The following CRYL1 variants were observed in gnomAD, a reference collection of about 807,000 sequenced individuals.
The protein encoded by CRYL1 is crystallin lambda 1, also known as lambda-crystallin homolog.
A neutral mutation model predicts 36.6 loss-of-function variants in CRYL1; 29 were observed. The ratio of observed to expected loss-of-function variants is 0.79; its 90% CI spans 0.59 to 1.08. The LOEUF (loss-of-function observed/expected upper bound fraction) is 1.08, where lower values mean the gene tolerates loss of function less well. Among genes scored for constraint, CRYL1 ranks in the 50% least tolerant of loss-of-function variants. CRYL1 has a pLI of 0.00. For synonymous variants in CRYL1, 152 were observed against 151.5 expected (o/e 1.00, Z -0.02); for missense variants, 411 against 407.9 (o/e 1.01, Z -0.06).
At chr13:20,418,142 A>G (rs1278343704) in intron 5 of CRYL1, among the ~76,000 whole-genome samples, 1 of 152,188 alleles carries the variant, frequency 6.6e-6, no homozygotes, top group Non-Finnish European at 1.5e-5. Flanking sequence ...TAGCCCACCC[A>G]GACTATGGAG....
intron 3 of CRYL1, among the ~76,000 whole-genome samples, chr13:20,447,720 A>T (rs1323805338): frequency 2.6e-5 from 4 of 152,224 alleles, no homozygotes; most frequent in Admixed American, 2.6e-4. Flanking sequence ...CTTAAATACA[A>T]GGCATTACTA....
chr13:20,460,680 T>C (rs149121227), intron 3 of CRYL1, among the ~76,000 whole-genome samples: 2,647 of 151,638 alleles, frequency 0.017, 41 homozygotes, highest in African/African-American at 0.038. Flanking sequence ...CGCCCGCCAC[T>C]ACGCCCGGCT....
intron 1 of CRYL1, among the ~76,000 whole-genome samples, chr13:20,516,542 G>GTA (rs771534430): frequency 1.8e-4 from 27 of 151,954 alleles, no homozygotes; most frequent in Non-Finnish European, 3.4e-4. Flanking sequence ...TGCTGTGGGG[G>GTA]TATCTCGGCT....
chr13:20,481,983 C>A lies in CRYL1; in HGVS notation c.276+7387G>T, dbSNP rs570715913. 6.6e-5 allele frequency among the ~76,000 whole-genome samples: 10 copies of A among 152,276 alleles called. No individual in the cohort carries two copies. The highest frequency in any genetic ancestry group is 2.4e-4 in the African/African-American group (10 of 41,558). ...GTTTCCTCGCACATTCCCGAATATT[C>A]TCAGGGCTGGCCATCCCATGTGTCC... On this transcript the variant is annotated intron_variant, in intron 3 of 7. Coordinates refer to ENST00000298248, the MANE Select transcript of CRYL1 (RefSeq NM_015974.3). This position sits in a 1 kb window ranked among gnomAD's most constrained non-coding sequence, Gnocchi z 4.1.
intron 6 of CRYL1, among the ~76,000 whole-genome samples, chr13:20,410,236 C>G (rs2031483418): frequency 6.8e-6 from 1 of 147,418 alleles, no homozygotes; most frequent in Non-Finnish European, 1.5e-5. Context: ...TCTGTAAGGA[C>G]ATGGATGAAA....
At chr13:20,507,835 A>G (rs2872445) in intron 2 of CRYL1, among the ~76,000 whole-genome samples, 1,721 of 151,172 alleles carry the variant, frequency 0.011, 28 homozygotes, top group African/African-American at 0.036. Context: ...GGAGAATGGC[A>G]TGAACCTGGG....
At chr13:20,467,034 G>T (rs1271936784) in intron 3 of CRYL1, among the ~76,000 whole-genome samples, 1 of 151,188 alleles carries the variant, frequency 6.6e-6, no homozygotes, top group Admixed American at 6.6e-5. Context: ...TGGAAGCTCT[G>T]CCTCCCGCGT....
chr13:20,424,212 C>T (rs1039101339), intron 5 of CRYL1, among the ~76,000 whole-genome samples: 1 of 152,176 alleles, frequency 6.6e-6, no homozygotes, highest in African/African-American at 2.4e-5. Flanking sequence ...AACAAAAACA[C>T]AGGTCTCAAT....
In CRYL1 at chr13:20,435,881, G is replaced by A. The variant is rs1277945332; in HGVS notation, c.439-3585C>T. On this transcript the variant is annotated intron_variant, in intron 4 of 7. Coordinates refer to ENST00000298248, the MANE Select transcript of CRYL1 (RefSeq NM_015974.3). This position sits in a 1 kb window ranked among gnomAD's most constrained non-coding sequence, Gnocchi z 4.0. ...CGCCCTCGCGGGAGGCAGCCGGGCTGGGGCCTCTTGCCAGCCCTCGGTGTT... is the reference window on the plus strand; with the variant it reads ...CGCCCTCGCGGGAGGCAGCCGGGCTAGGGCCTCTTGCCAGCCCTCGGTGTT... 6.6e-6 allele frequency among the ~76,000 whole-genome samples: 1 copy of A among 152,170 alleles called. No individual in the cohort carries two copies. The highest frequency in any genetic ancestry group is 1.5e-5 in the Non-Finnish European group (1 of 68,014).
chr13:20,434,625 A>G (rs956871506), intron 4 of CRYL1, among the ~76,000 whole-genome samples: 73 of 50,052 alleles, frequency 1.5e-3, no homozygotes, highest in Non-Finnish European at 2.1e-3. Flanking sequence ...CCACACCCCT[A>G]CACCCCCACC....
intron 2 of CRYL1, among the ~76,000 whole-genome samples, chr13:20,502,651 T>C (rs554918967): frequency 9.3e-5 from 14 of 150,136 alleles, no homozygotes; most frequent in Admixed American, 9.2e-4. Flanking sequence ...CGAGACTCCG[T>C]CTCAAAAAAA....
At chr13:20,449,180 T>C (rs964567149) in intron 3 of CRYL1, among the ~76,000 whole-genome samples, 2 of 152,122 alleles carry the variant, frequency 1.3e-5, no homozygotes, top group Non-Finnish European at 2.9e-5. Flanking sequence ...AATGAAATAA[T>C]TGAAGGTAAA....
intron 6 of CRYL1, among the ~76,000 whole-genome samples, chr13:20,408,602 T>C (rs1335161702): frequency 6.6e-6 from 1 of 152,048 alleles, no homozygotes; most frequent in Non-Finnish European, 1.5e-5. Flanking sequence ...ATAGCAAAAA[T>C]CCTAATCTTG....
chr13:20,524,289 G>A (rs2034149576), intron 1 of CRYL1, among the ~76,000 whole-genome samples: 1 of 152,082 alleles, frequency 6.6e-6, no homozygotes, highest in Admixed American at 6.5e-5. Context: ...GTATATATAT[G>A]TGTGAGTGTA....
intron 3 of CRYL1, among the ~76,000 whole-genome samples, chr13:20,483,868 G>A (rs898718720): frequency 6.6e-6 from 1 of 152,134 alleles, no homozygotes; most frequent in Non-Finnish European, 1.5e-5. Flanking sequence ...CCAGGCTGGA[G>A]TGCAGTGGCG....
chr13:20,505,350 C>G (rs1172986741), intron 2 of CRYL1, among the ~76,000 whole-genome samples: 6 of 83,498 alleles, frequency 7.2e-5, no homozygotes, highest in African/African-American at 2.3e-4. Context: ...AAGTGAGACT[C>G]TATCCCACCA....
At chr13:20,454,243 G>T (rs577792182) in intron 3 of CRYL1, among the ~76,000 whole-genome samples, 1 of 152,154 alleles carries the variant, frequency 6.6e-6, no homozygotes, top group African/African-American at 2.4e-5. Flanking sequence ...AACAAAAAAG[G>T]ATAGTGCGTT....
At position 20,483,955 on chromosome 13, in the gene CRYL1, TACAGGTGCCCACC is replaced by T. The variant is rs1268238326; in HGVS notation, c.276+5402_276+5414del. ...CCTCAGCCTCCCGGGTAGCTGGGACTACAGGTGCCCACCACCACACCTGGCTAATTTTTTGTAT... is the reference window on the plus strand; with the variant it reads ...CCTCAGCCTCCCGGGTAGCTGGGACTACCACACCTGGCTAATTTTTTGTAT... On this transcript the variant is annotated intron_variant, in intron 3 of 7. Coordinates refer to ENST00000298248, the MANE Select transcript of CRYL1 (RefSeq NM_015974.3). Among the ~76,000 whole-genome samples the T allele has an allele frequency of 2.0e-5, 3 of 152,166 alleles. No homozygotes were observed. The South Asian group carries it at 6.2e-4, about 31-fold the overall frequency.
chr13:20,421,123 C>G (rs1407893304), intron 5 of CRYL1, among the ~76,000 whole-genome samples: 2 of 152,000 alleles, frequency 1.3e-5, no homozygotes, highest in East Asian at 3.9e-4. Flanking sequence ...AAGGGACATT[C>G]CAGAGTACTT....
Sources: gnomAD v4.1 joint callset for allele counts (sites outside exome capture counted in the v4.1 genomes callset) on GRCh38, gnomAD v4.1.1 for gene constraint, Gnocchi (gnomAD v3.1) non-coding constraint, MANE v1.5 for transcripts, NCBI Gene and HGNC (gene_info 2026-07-23, HGNC 2026-07-21) for gene names.